Variants in ARL11 observed in about 807,000 individuals in gnomAD.
ARL11 encodes ARF like GTPase 11.
For missense variants in ARL11, 239 were observed against 250.6 expected, an observed-to-expected ratio of 0.95 and a Z score of 0.31; for synonymous variants, 91 against 111.2, an observed-to-expected ratio of 0.82 and a Z score of 1.15.
Position 49,631,073 on chromosome 13 carries a change from C to A in ARL11, c.*35C>A. 1 of 1,481,728 alleles carries A rather than the reference C, an allele frequency of 6.7e-7. No individual in the cohort carries two copies. Among genetic ancestry groups the A allele is most frequent in the Admixed American group, 2.4e-5 (1 of 41,630 alleles). 91.8% of individuals were successfully genotyped at this position (1,481,728 alleles called of 1,614,324 possible). ...AGCAGCATATCTTTGCTCATACAAA[C>A]TAGAAGAACCAGCTGATCCTTGAGA... On this transcript the variant is annotated 3_prime_UTR_variant, in exon 2 of 2. Transcript: ENST00000282026.
chr13:49,631,021 G>A lies in ARL11; in HGVS notation c.574G>A (p.Asp192Asn). 1 of 1,584,074 alleles carries A rather than the reference G, an allele frequency of 6.3e-7. No homozygotes were observed. Among genetic ancestry groups the A allele is most frequent in the Non-Finnish European group, 8.6e-7 (1 of 1,164,498 alleles). ...QARAHGAERG[D>N]SKRS ...GAGAGCCCATGGGGCTGAGCGCGGA[G>A]ACAGCAAGAGATCTTGATCCAGACA... is the stretch of plus-strand genomic sequence containing the variant. The change falls in exon 2 of 2, where the codon GAC becomes AAC. Residue 192 changes from aspartate (D) to asparagine (N), a missense_variant. By Grantham distance (23) the Asp-to-Asn change is conservative. Coordinates refer to ENST00000282026, the MANE Select transcript of ARL11 (RefSeq NM_138450.6).
In ARL11 at chr13:49,631,945, C is replaced by G. The variant is rs1453481737; in HGVS notation, c.*907C>G. 6.0e-6 allele frequency: 1 copy of G among 167,022 alleles called. No individual in the cohort carries two copies. Among genetic ancestry groups the G allele is most frequent in the East Asian group, 1.9e-4 (1 of 5,192 alleles). 10.3% of individuals were successfully genotyped at this position (167,022 alleles called of 1,614,324 possible). On this transcript the variant is annotated 3_prime_UTR_variant, in exon 2 of 2. Transcript: ENST00000282026. ...GTGGCCCCTGGGGATGTGCCACTGT[C>G]ACTCAGAAGGGCAAGCTAGGCAGGG...
Position 49,631,167 on chromosome 13 carries a change from A to G in ARL11, c.*129A>G. The G allele has an allele frequency of 1.2e-6, 1 of 808,792 alleles. No individual in the cohort carries two copies. The allele number at this position is 808,792 out of a possible 1,614,324, so 50.1% of individuals were successfully genotyped here. A position where few individuals can be genotyped will look rare whatever the true frequency, so the allele number is the denominator to read the frequency against. Reference sequence around the variant, plus strand: ...GGTGGCTCATGCCTGTAATCCCAGCACTGTGGGAGACCACGGTGGGGGAAT... The same window carrying G: ...GGTGGCTCATGCCTGTAATCCCAGCGCTGTGGGAGACCACGGTGGGGGAAT... On this transcript the variant is annotated 3_prime_UTR_variant, in exon 2 of 2. Transcript: ENST00000282026.
intron 1 of ARL11, among the ~76,000 whole-genome samples, chr13:49,629,784 C>T (rs893204793): frequency 6.6e-6 from 1 of 152,124 alleles, no homozygotes; most frequent in Non-Finnish European, 1.5e-5. Flanking sequence ...TAAGTGACAC[C>T]TCACTGTGTT....
In ARL11 at chr13:49,630,554, AGCTGGT is replaced by A. The variant is rs1272105397; in HGVS notation, c.109_114del (p.Leu37_Val38del). Reference sequence around the variant, plus strand: ...CTCCTTTACAAGCTGAAGGGCCACCAGCTGGTGGAGACCCTGCCCACTGTTGGTTTC... The same window carrying A: ...CTCCTTTACAAGCTGAAGGGCCACCAGGAGACCCTGCCCACTGTTGGTTTC... On this transcript the variant is annotated inframe_deletion, in exon 2 of 2. Transcript: ENST00000282026. The A allele has an allele frequency of 7.4e-6, 12 of 1,614,030 alleles. No homozygotes were observed. Among genetic ancestry groups the A allele is most frequent in the African/African-American group, 6.7e-5 (5 of 75,036 alleles).
rs1964872748 is a variant in ARL11, at chr13:49,630,591, G to GTT, written c.144_145insTT (p.Glu49LeufsTer4). Reference sequence around the variant, plus strand: ...CCCTGCCCACTGTTGGTTTCAACGTGGAGCCTCTGAAAGCTCCTGGGCACG... The same window carrying GTT: ...CCCTGCCCACTGTTGGTTTCAACGTGTTGAGCCTCTGAAAGCTCCTGGGCACG... On this transcript the variant is annotated frameshift_variant, in exon 2 of 2. Transcript: ENST00000282026. LOFTEE classifies it low-confidence loss of function (END_TRUNC). The GTT allele has an allele frequency of 1.2e-6, 2 of 1,614,130 alleles. No homozygotes were observed. The highest frequency in any genetic ancestry group is 4.5e-5 in the East Asian group (2 of 44,874).
chr13:49,631,181 C>T lies in ARL11; in HGVS notation c.*143C>T, dbSNP rs150311551. On this transcript the variant is annotated 3_prime_UTR_variant, in exon 2 of 2. Transcript: ENST00000282026. ...GTAATCCCAGCACTGTGGGAGACCA[C>T]GGTGGGGGAATCCCTTGAGCCCAGG... 858 of 697,424 alleles carry T rather than the reference C, an allele frequency of 1.2e-3. 5 individuals carry two copies. The highest frequency in any genetic ancestry group is 0.012 in the African/African-American group (658 of 54,650). The allele number at this position is 697,424 out of a possible 1,614,324, so 43.2% of individuals were successfully genotyped here. A position where few individuals can be genotyped will look rare whatever the true frequency, so the allele number is the denominator to read the frequency against.
rs3803185 is a variant in ARL11 at position 49,630,889 on chromosome 13, T to G, written c.442T>G (p.Cys148Gly). ...GAGTCTAGAGAGATTCCAGGACCACTGCTGGGAGCTCCGGGGCTGCAGTGC... is the reference window on the plus strand; with the variant it reads ...GAGTCTAGAGAGATTCCAGGACCACGGCTGGGAGCTCCGGGGCTGCAGTGC... ...RLSLERFQDH[C>G]WELRGCSALT... Residue 148 changes from cysteine (C) to glycine (G), a missense_variant, in exon 2 of 2, where the codon TGC (cysteine) becomes GGC (glycine). Coordinates refer to ENST00000282026, the MANE Select transcript of ARL11 (RefSeq NM_138450.6). 9 of 1,587,740 alleles carry G rather than the reference T, an allele frequency of 5.7e-6. No homozygotes were observed. The highest frequency in any genetic ancestry group is 6.9e-6 in the Non-Finnish European group (8 of 1,162,980).
rs1475862080 is a variant in ARL11 at position 49,632,414 on chromosome 13, G to A, written c.*1376G>A. On this transcript the variant is annotated 3_prime_UTR_variant, in exon 2 of 2. Transcript: ENST00000282026. ...CATAGCATCCTAGAAGGCTCATCAG[G>A]TGATCATTACCTAGCATCCATGAAG... 4 of 167,038 alleles carry A rather than the reference G, an allele frequency of 2.4e-5. No individual in the cohort carries two copies. The South Asian group carries it at 6.2e-4, about 26-fold the overall frequency. The allele number at this position is 167,038 out of a possible 1,614,324, so 10.3% of individuals were successfully genotyped here. A position where few individuals can be genotyped will look rare whatever the true frequency, so the allele number is the denominator to read the frequency against.
At chr13:49,630,335 G>A in intron 1 of ARL11, 95 bp from the exon 2 acceptor site, 1 of 883,582 alleles carries the variant, frequency 1.1e-6, no homozygotes, top group Non-Finnish European at 1.8e-6. Flanking sequence ...GCCTCCCACA[G>A]TGCTGGGATT....
In ARL11 at chr13:49,630,944, T is replaced by C; in HGVS notation, c.497T>C (p.Leu166Pro). 2 of 1,608,336 alleles carry C rather than the reference T, an allele frequency of 1.2e-6. No homozygotes were observed. The highest frequency in any genetic ancestry group is 1.1e-5 in the South Asian group (1 of 90,826). ...ACTGGGGAGGGGCTGCCCGAGGCCCTGCAGAGCCTGTGGAGCCTCCTGAAA... is the reference window on the plus strand; with the variant it reads ...ACTGGGGAGGGGCTGCCCGAGGCCCCGCAGAGCCTGTGGAGCCTCCTGAAA... The part of the protein sequence containing the change: ...ALTGEGLPEA[L>P]QSLWSLLKSR... Residue 166 changes from leucine (L) to proline (P), a missense_variant, in exon 2 of 2, where the codon CTG (leucine) becomes CCG (proline). Transcript: ENST00000282026.
At chr13:49,628,732 C>T (rs1000647150) in intron 1 of ARL11, 117 bp downstream of exon 1, 5 of 152,488 alleles carry the variant, frequency 3.3e-5, no homozygotes, top group Non-Finnish European at 7.3e-5. Context: ...GATGTCTCTT[C>T]TCTGTTCCAC....
intron 1 of ARL11, chr13:49,630,213 T>C: frequency 2.1e-6 from 1 of 472,544 alleles, no homozygotes; most frequent in Admixed American, 3.6e-5. Flanking sequence ...GTTGTTTGCC[T>C]GCACAGATTT....
In ARL11 at chr13:49,630,973, C is replaced by T. The variant is rs767279791; in HGVS notation, c.526C>T (p.Arg176Cys). The change falls in exon 2 of 2, where the codon CGC (arginine) becomes TGC (cysteine). Residue 176 changes from arginine to cysteine, a missense_variant. Physicochemically the swap from Arg to Cys is radical, Grantham distance 180. Transcript: ENST00000282026. Reference protein sequence around the residue: ...LQSLWSLLKSRSCMCLQARAH... With the variant: ...LQSLWSLLKSCSCMCLQARAH... ...GAGCCTGTGGAGCCTCCTGAAATCT[C>T]GCAGCTGCATGTGTCTGCAGGCGAG... The T allele has an allele frequency of 9.3e-6, 15 of 1,610,288 alleles. No homozygotes were observed. The South Asian group carries it at 1.1e-4, about 12-fold the overall frequency.
chr13:49,630,564 G>A lies in ARL11; in HGVS notation c.117G>A (p.Glu39=), dbSNP rs759972408. The A allele has an allele frequency of 3.1e-6, 5 of 1,613,956 alleles. No homozygotes were observed. In the African/African-American group the frequency reaches 5.3e-5, roughly 17 times the overall value. ...AGCTGAAGGGCCACCAGCTGGTGGA[G>A]ACCCTGCCCACTGTTGGTTTCAACG... ...LYKLKGHQLV[E]TLPTVGFNVE... Residue 39 remains glutamate (E), a synonymous_variant, in exon 2 of 2, where the codon GAG becomes GAA. Transcript: ENST00000282026.
intron 1 of ARL11, among the ~76,000 whole-genome samples, chr13:49,628,911 T>C (rs1566301109): frequency 6.6e-6 from 1 of 152,210 alleles, no homozygotes; most frequent in Non-Finnish European, 1.5e-5. Context: ...GCCAACATGG[T>C]GAAACCTCGT....
chr13:49,630,419 T>G lies in ARL11; in HGVS notation c.-18-11T>G. 1 of 1,563,264 alleles carries G rather than the reference T, an allele frequency of 6.4e-7. No homozygotes were observed. Among genetic ancestry groups the G allele is most frequent in the South Asian group, 1.2e-5 (1 of 86,826 alleles). ...CAGTAGCTGATGTGTGCCCTGGCCT[T>G]TCTCCCCTAGGATTCAGCAGTGGCC... On this transcript the variant is annotated splice_polypyrimidine_tract_variant and intron_variant, in intron 1 of 1. Transcript: ENST00000282026.
chr13:49,633,380 G>A lies in ARL11; in HGVS notation c.*2342G>A. On this transcript the variant is annotated 3_prime_UTR_variant, in exon 2 of 2. Coordinates refer to ENST00000282026, the MANE Select transcript of ARL11 (RefSeq NM_138450.6). ...GGTGGGTGAAGTTGACATCACGATA[G>A]AAAACAAAACTGGAATGGGAGTTTA... 1.8e-5 allele frequency: 3 copies of A among 167,184 alleles called. No individual in the cohort carries two copies. The allele number at this position is 167,184 out of a possible 1,614,324, so 10.4% of individuals were successfully genotyped here.
At chr13:49,629,934 C>T (rs539054125) in intron 1 of ARL11, 1 of 154,540 alleles carries the variant, frequency 6.5e-6, no homozygotes, top group East Asian at 1.9e-4. Flanking sequence ...AGGTTAGAAG[C>T]CACAGACCAG....
Sources: gnomAD v4.1 joint callset for allele counts (sites outside exome capture counted in the v4.1 genomes callset) on GRCh38, gnomAD v4.1.1 for gene constraint, MANE v1.5 for transcripts, NCBI Gene and HGNC (gene_info 2026-07-23, HGNC 2026-07-21) for gene names.